Variants in UCK2 observed in about 807,000 individuals in gnomAD.
UCK2 encodes the protein cytidine monophosphokinase 2.
Under a neutral mutation model 30.8 loss-of-function variants are expected in UCK2, and 6 were observed. The observed-to-expected ratio is 0.19, with a 90% CI of 0.11 to 0.38. The LOEUF is 0.38. UCK2 is among the 10% of genes least tolerant of loss of function. The pLI is 1.00. For missense variants in UCK2, 210 were observed against 339.8 expected, an observed-to-expected ratio of 0.62 and a Z score of 3.00; for synonymous variants, 125 against 133.6, an observed-to-expected ratio of 0.94 and a Z score of 0.45.
chr1:165,887,498 A>G (rs1038159262), intron 1 of UCK2, among the ~76,000 whole-genome samples: 16 of 152,212 alleles, frequency 1.1e-4, no homozygotes, highest in African/African-American at 3.9e-4. Flanking sequence ...TGCTATTTAC[A>G]TTAAAAACAT....
intron 1 of UCK2, among the ~76,000 whole-genome samples, chr1:165,832,297 T>C (rs1654069814): frequency 6.6e-6 from 1 of 152,236 alleles, no homozygotes; most frequent in South Asian, 2.1e-4. Context: ...GCTTATTTGT[T>C]GACTGCTTCT....
At chr1:165,859,895 C>T (rs1447289379) in intron 1 of UCK2, among the ~76,000 whole-genome samples, 1 of 152,200 alleles carries the variant, frequency 6.6e-6, no homozygotes, top group Non-Finnish European at 1.5e-5. Context: ...TGGCCCTCCC[C>T]TGCCCACCTT....
intron 1 of UCK2, among the ~76,000 whole-genome samples, chr1:165,844,566 A>G (rs552027631): frequency 5.7e-4 from 87 of 152,276 alleles, no homozygotes; most frequent in Middle Eastern, 3.4e-3. Context: ...TTCTAACAAG[A>G]TAACTGTGGT....
intron 1 of UCK2, among the ~76,000 whole-genome samples, chr1:165,840,069 C>G (rs191454542): frequency 4.6e-4 from 70 of 152,314 alleles, no homozygotes; most frequent in African/African-American, 1.5e-3. Flanking sequence ...CAGGCGTGTG[C>G]CACCATGCCC....
chr1:165,827,776 G>A lies in UCK2; in HGVS notation c.-58G>A. ...AAAGCGGAGGGAGTCCGACGCGGGC[G>A]CGGGCGGGGAGCGTGCGTCCGTTCG... On this transcript the variant is annotated 5_prime_UTR_variant, in exon 1 of 7. Coordinates refer to ENST00000367879, the MANE Select transcript of UCK2 (RefSeq NM_012474.5). 7.8e-7 allele frequency: 1 copy of A among 1,283,292 alleles called. No individual in the cohort carries two copies. Among genetic ancestry groups the A allele is most frequent in the Non-Finnish European group, 1.0e-6 (1 of 1,003,256 alleles). 79.5% of individuals were successfully genotyped at this position (1,283,292 alleles called of 1,614,324 possible).
At chr1:165,886,168 A>G (rs562121694) in intron 1 of UCK2, among the ~76,000 whole-genome samples, 1 of 152,308 alleles carries the variant, frequency 6.6e-6, no homozygotes, top group Admixed American at 6.5e-5. Context: ...GACTATTAAT[A>G]TAATTGTTAA....
rs1654646548 is a variant in UCK2, at chr1:165,853,368, GT to G, written c.99+25440del. On this transcript the variant is annotated intron_variant, in intron 1 of 6. Coordinates refer to ENST00000367879, the MANE Select transcript of UCK2 (RefSeq NM_012474.5). ...AGGCATATTTGATATTTTTTTTTTT[GT>G]TTTCATTTAAAAAAAATTCCAAAAA... 1.2e-4 allele frequency among the ~76,000 whole-genome samples: 18 copies of G among 147,174 alleles called. No individual in the cohort carries two copies. In the South Asian group the frequency reaches 3.9e-3, roughly 32 times the overall value.
At chr1:165,901,456 T>C (rs1647459792) in intron 4 of UCK2, among the ~76,000 whole-genome samples, 1 of 152,178 alleles carries the variant, frequency 6.6e-6, no homozygotes. Context: ...CACCTGTGCA[T>C]GTGTGTATAA....
intron 1 of UCK2, among the ~76,000 whole-genome samples, chr1:165,889,696 T>TA (rs1655715421): frequency 6.6e-6 from 1 of 151,648 alleles, no homozygotes; most frequent in African/African-American, 2.4e-5. Flanking sequence ...GCCTTTTTTT[T>TA]TTTTTTTTTT....
At chr1:165,887,712 A>G (rs986401351) in intron 1 of UCK2, among the ~76,000 whole-genome samples, 1 of 152,106 alleles carries the variant, frequency 6.6e-6, no homozygotes, top group Non-Finnish European at 1.5e-5. Context: ...GGAAAAGGAA[A>G]TTGAGGGCCT....
rs1365943629 is a variant in UCK2 at position 165,827,858 on chromosome 1, C to T, written c.25C>T (p.Leu9=). 29 of 1,477,888 alleles carry T rather than the reference C, an allele frequency of 2.0e-5. No individual in the cohort carries two copies. The highest frequency in any genetic ancestry group is 2.3e-5 in the Non-Finnish European group (25 of 1,108,012). 91.5% of individuals were successfully genotyped at this position (1,477,888 alleles called of 1,614,324 possible). MAGDSEQT[L]QNHQQPNGGE... is the part of the protein sequence containing the mutation. Reference sequence around the variant, plus strand: ...CATGGCCGGGGACAGCGAGCAGACCCTGCAGAACCACCAGCAGCCCAACGG... The same window carrying T: ...CATGGCCGGGGACAGCGAGCAGACCTTGCAGAACCACCAGCAGCCCAACGG... The change falls in exon 1 of 7, where the codon CTG becomes TTG. Residue 9 remains leucine (L), a synonymous_variant. Transcript: ENST00000367879.
At chr1:165,883,496 A>C (rs1655550174) in intron 1 of UCK2, among the ~76,000 whole-genome samples, 1 of 152,196 alleles carries the variant, frequency 6.6e-6, no homozygotes, top group African/African-American at 2.4e-5. Context: ...TGAGAATAAA[A>C]ACTTAGTCAC....
In UCK2 at chr1:165,907,772, C is replaced by T. The variant is rs765954272; in HGVS notation, c.735C>T (p.Tyr245=). 6.8e-6 allele frequency: 11 copies of T among 1,614,006 alleles called. No homozygotes were observed. Among genetic ancestry groups the T allele is most frequent in the Non-Finnish European group, 9.3e-6 (11 of 1,180,044 alleles). ...AGACCAATGGCTGTCTCAACGGCTACACCCCTTCACGCAAGAGGCAGGCAT... is the reference window on the plus strand; with the variant it reads ...AGACCAATGGCTGTCTCAACGGCTATACCCCTTCACGCAAGAGGCAGGCAT... ...KRQTNGCLNG[Y]TPSRKRQASE... The change falls in exon 7 of 7, where the codon TAC becomes TAT. Residue 245 remains tyrosine (Y), a synonymous_variant. Transcript: ENST00000367879.
intron 1 of UCK2, among the ~76,000 whole-genome samples, chr1:165,834,541 C>A (rs2101848272): frequency 6.6e-6 from 1 of 152,232 alleles, no homozygotes; most frequent in African/African-American, 2.4e-5. Flanking sequence ...ATATAAAGCC[C>A]TCCAGCATTA....
At chr1:165,881,215 G>A (rs998234467) in intron 1 of UCK2, among the ~76,000 whole-genome samples, 2 of 141,046 alleles carry the variant, frequency 1.4e-5, no homozygotes, top group African/African-American at 2.6e-5. Flanking sequence ...AAGAGATGAT[G>A]TAGAAGAACC....
intron 1 of UCK2, among the ~76,000 whole-genome samples, chr1:165,886,221 T>G (rs1655609702): frequency 6.6e-6 from 1 of 152,238 alleles, no homozygotes; most frequent in African/African-American, 2.4e-5. Context: ...CCATTTTAGA[T>G]TTCTATAGGC....
At chr1:165,880,566 GGTGTGTGTGTGT>G (rs869079437) in intron 1 of UCK2, among the ~76,000 whole-genome samples, 3 of 19,310 alleles carry the variant, frequency 1.6e-4, no homozygotes, top group African/African-American at 5.0e-4. Flanking sequence ...TTTTTTTGGG[GGTGTGTGTGTGT>G]GTGTGTGTGT....
At chr1:165,857,516 C>T (rs1331936198) in intron 1 of UCK2, among the ~76,000 whole-genome samples, 1 of 152,100 alleles carries the variant, frequency 6.6e-6, no homozygotes, top group Non-Finnish European at 1.5e-5. Flanking sequence ...TTGGAGGAGG[C>T]AGATGACAGG....
At chr1:165,883,690 C>G (rs1655553711) in intron 1 of UCK2, among the ~76,000 whole-genome samples, 1 of 152,152 alleles carries the variant, frequency 6.6e-6, no homozygotes, top group South Asian at 2.1e-4. Flanking sequence ...TGCATGGGCT[C>G]TGGGGCCATG....
Sources: allele counts gnomAD v4.1 joint callset (sites outside exome capture counted in the v4.1 genomes callset), GRCh38; gene constraint gnomAD v4.1.1; transcripts MANE v1.5; gene names NCBI Gene and HGNC (gene_info 2026-07-23, HGNC 2026-07-21).